Variants in SGPP2 observed in about 807,000 individuals in gnomAD.
The protein encoded by SGPP2 is sphingosine 1-phosphate phosphohydrolase 2.
A neutral mutation model predicts 33.9 loss-of-function variants in SGPP2; 30 were observed. That is an observed-to-expected ratio of 0.89 (90% CI 0.66 to 1.20). The LOEUF is 1.20. SGPP2 is among the 50% of genes most tolerant of loss of function. The pLI is 0.00. For missense variants in SGPP2, 458 were observed against 532.1 expected, an observed-to-expected ratio of 0.86 and a Z score of 1.37; for synonymous variants, 233 against 225.0, an observed-to-expected ratio of 1.04 and a Z score of -0.32.
intron 1 of SGPP2, among the ~76,000 whole-genome samples, chr2:222,439,522 A>G (rs1697293607): frequency 6.6e-6 from 1 of 151,994 alleles, no homozygotes; most frequent in South Asian, 2.1e-4. Flanking sequence ...ACAGAGCAAA[A>G]CTCCATCTCC....
At chr2:222,453,244 A>G (rs1320729595) in intron 1 of SGPP2, 6 of 764,940 alleles carry the variant, frequency 7.8e-6, no homozygotes, top group East Asian at 2.4e-5. Flanking sequence ...ATTCTTTACA[A>G]TCAGATGCTT....
At chr2:222,481,829 T>A (rs1367995727) in intron 2 of SGPP2, among the ~76,000 whole-genome samples, 1 of 152,166 alleles carries the variant, frequency 6.6e-6, no homozygotes, top group Non-Finnish European at 1.5e-5. Context: ...TCTTCTTGAT[T>A]TTTTTCCCCA....
intron 3 of SGPP2, among the ~76,000 whole-genome samples, chr2:222,522,470 A>C (rs919114141): frequency 2.0e-5 from 3 of 152,256 alleles, no homozygotes; most frequent in African/African-American, 7.2e-5. Flanking sequence ...AAAGTTTTCT[A>C]GAACAGTCTA....
intron 1 of SGPP2, among the ~76,000 whole-genome samples, chr2:222,470,710 C>T (rs773042464): frequency 2.0e-5 from 3 of 152,112 alleles, no homozygotes; most frequent in Non-Finnish European, 2.9e-5. Flanking sequence ...ATGATAGCAG[C>T]GAGGCTTTTG....
intron 2 of SGPP2, among the ~76,000 whole-genome samples, chr2:222,489,114 C>T (rs2106108892): frequency 6.6e-6 from 1 of 152,148 alleles, no homozygotes; most frequent in East Asian, 1.9e-4. Context: ...TTTATTAGGC[C>T]TTAATTGAGG....
chr2:222,552,368 A>T (rs1238440271), intron 4 of SGPP2, among the ~76,000 whole-genome samples: 1 of 152,152 alleles, frequency 6.6e-6, no homozygotes, highest in Non-Finnish European at 1.5e-5. Flanking sequence ...CCAAGCCAAC[A>T]TGTATTATTT....
chr2:222,456,537 C>T (rs749632849), intron 1 of SGPP2, among the ~76,000 whole-genome samples: 24 of 152,330 alleles, frequency 1.6e-4, no homozygotes, highest in Middle Eastern at 3.4e-3. Context: ...CCTACCTCCC[C>T]GGTGTCTAAA....
At chr2:222,478,264 C>T (rs977598050) in intron 2 of SGPP2, among the ~76,000 whole-genome samples, 1 of 84,578 alleles carries the variant, frequency 1.2e-5, no homozygotes, top group Non-Finnish European at 2.5e-5. Flanking sequence ...TATGTGCATG[C>T]ATTTGTGTGT....
intron 1 of SGPP2, among the ~76,000 whole-genome samples, chr2:222,464,574 C>T (rs955311523): frequency 6.6e-6 from 1 of 152,182 alleles, no homozygotes; most frequent in Non-Finnish European, 1.5e-5. Context: ...CCTCTACCAC[C>T]CAGGTTCAAA....
At chr2:222,554,999 C>T (rs1249043785) in intron 4 of SGPP2, among the ~76,000 whole-genome samples, 2 of 152,240 alleles carry the variant, frequency 1.3e-5, no homozygotes, top group East Asian at 1.9e-4. Flanking sequence ...CCCATCCCTT[C>T]GGAGTCACAA....
intron 1 of SGPP2, among the ~76,000 whole-genome samples, chr2:222,473,401 G>A (rs373959538): frequency 3.4e-4 from 52 of 152,176 alleles, no homozygotes; most frequent in East Asian, 1.9e-3. Flanking sequence ...TCTTCAAATC[G>A]TTCTCTGACT....
At chr2:222,499,333 T>A (rs1410234512) in intron 2 of SGPP2, among the ~76,000 whole-genome samples, 1 of 152,214 alleles carries the variant, frequency 6.6e-6, no homozygotes, top group African/African-American at 2.4e-5. Flanking sequence ...AGTTAATCAC[T>A]CACTGGCCAA....
At position 222,461,684 on chromosome 2, in the gene SGPP2, G is replaced by A. The variant is rs556986132; in HGVS notation, c.220-12884G>A. Among the ~76,000 whole-genome samples the A allele has an allele frequency of 4.6e-5, 7 of 151,840 alleles. No homozygotes were observed. The South Asian group carries it at 1.0e-3, about 23-fold the overall frequency. ...AAGAAGTGCACAGCCTAGATCCCTCGCATGTGCAGTTCACAATAGGGTTTG... is the reference window on the plus strand; with the variant it reads ...AAGAAGTGCACAGCCTAGATCCCTCACATGTGCAGTTCACAATAGGGTTTG... On this transcript the variant is annotated intron_variant, in intron 1 of 4. Coordinates refer to ENST00000321276, the MANE Select transcript of SGPP2 (RefSeq NM_152386.4).
rs1364258519 is a variant in SGPP2, at chr2:222,561,728, GTAT to G, written c.*2832_*2834del. 6.6e-6 allele frequency among the ~76,000 whole-genome samples: 1 copy of G among 151,956 alleles called. No individual in the cohort carries two copies. The highest frequency in any genetic ancestry group is 1.5e-5 in the Non-Finnish European group (1 of 68,008). ...TTGTCATGGTTGGTCACTTTTTAAA[GTAT>G]TTGATTACTGCAACTGGAGAATGAA... On this transcript the variant is annotated 3_prime_UTR_variant, in exon 5 of 5. Transcript: ENST00000321276.
intron 4 of SGPP2, among the ~76,000 whole-genome samples, chr2:222,543,436 C>T (rs1285343548): frequency 6.6e-6 from 1 of 152,172 alleles, no homozygotes; most frequent in Admixed American, 6.5e-5. Flanking sequence ...TAGTACCAAA[C>T]CCTATATATA....
chr2:222,492,420 G>T (rs1188572631), intron 2 of SGPP2, among the ~76,000 whole-genome samples: 2 of 152,196 alleles, frequency 1.3e-5, no homozygotes, highest in Admixed American at 1.3e-4. Flanking sequence ...CAAGGCTTGG[G>T]GCTTGCACCC....
At chr2:222,452,396 T>G in intron 1 of SGPP2, 1 of 746,726 alleles carries the variant, frequency 1.3e-6, no homozygotes, top group Non-Finnish European at 2.4e-6. Context: ...AATTTCACTC[T>G]CCTTCACAGA....
intron 4 of SGPP2, among the ~76,000 whole-genome samples, chr2:222,547,369 C>T (rs778845949): frequency 6.6e-6 from 1 of 152,248 alleles, no homozygotes; most frequent in Admixed American, 6.5e-5. Context: ...ATCCTATTGA[C>T]CTGCCAAATC....
chr2:222,520,633 C>T (rs1045885509), intron 2 of SGPP2, among the ~76,000 whole-genome samples: 8 of 149,926 alleles, frequency 5.3e-5, no homozygotes, highest in Admixed American at 2.0e-4. Context: ...AGGAGTCTGA[C>T]GCAAGAGAAT....
Sources: gnomAD v4.1 joint callset for allele counts (sites outside exome capture counted in the v4.1 genomes callset) on GRCh38, gnomAD v4.1.1 for gene constraint, MANE v1.5 for transcripts, NCBI Gene and HGNC (gene_info 2026-07-23, HGNC 2026-07-21) for gene names.